The following PAQR7 variants were observed in gnomAD, a reference collection of about 807,000 sequenced individuals.
PAQR7 encodes the protein progestin and adipoQ receptor family member 7, also known as membrane progestin receptor alpha.
In PAQR7, 14 loss-of-function variants were observed where a neutral mutation model predicts 24.6. That is an observed-to-expected ratio of 0.57 (90% CI 0.38 to 0.89). PAQR7 has a LOEUF of 0.89. PAQR7 is among the 40% of genes least tolerant of loss of function. The pLI, the probability that PAQR7 is intolerant of heterozygous loss-of-function variation, is 0.00. For missense variants in PAQR7, 351 were observed against 444.0 expected, an observed-to-expected ratio of 0.79 and a Z score of 1.88; for synonymous variants, 189 against 198.8, an observed-to-expected ratio of 0.95 and a Z score of 0.42.
In PAQR7 at chr1:25,863,651, G is replaced by A; in HGVS notation, c.189C>T (p.Arg63=). ...PLHQTWRFYF[R]TLFQQHNEAV... ...CCTCGTTGTGCTGCTGGAACAGCGTGCGGAAATAGAAGCGCCAGGTCTGAT... is the reference window on the plus strand; with the variant it reads ...CCTCGTTGTGCTGCTGGAACAGCGTACGGAAATAGAAGCGCCAGGTCTGAT... Residue 63 remains arginine, a synonymous_variant, in exon 3 of 3, where the codon CGC becomes CGT. Transcript: ENST00000675840. The surrounding 1 kb of genome is among the most constrained non-coding windows in gnomAD (Gnocchi z 6.1). 1.2e-6 allele frequency: 2 copies of A among 1,614,204 alleles called. No homozygotes were observed. The highest frequency in any genetic ancestry group is 1.7e-6 in the Non-Finnish European group (2 of 1,180,024).
intron 1 of PAQR7, among the ~76,000 whole-genome samples, chr1:25,872,509 AT>A (rs55654329): frequency 0.069 from 7,523 of 108,852 alleles, 367 homozygotes; most frequent in African/African-American, 0.2. Context: ...ACACCACAGG[AT>A]TTTTTTTTTT....
intron 2 of PAQR7, among the ~76,000 whole-genome samples, chr1:25,869,526 C>T (rs938237394): frequency 6.9e-6 from 1 of 145,716 alleles, no homozygotes; most frequent in Non-Finnish European, 1.5e-5. Flanking sequence ...GAGCCGAGAT[C>T]GTGCCACTGT....
intron 1 of PAQR7, among the ~76,000 whole-genome samples, chr1:25,874,999 T>A (rs937251906): frequency 2.0e-5 from 3 of 152,172 alleles, no homozygotes; most frequent in Admixed American, 6.5e-5. Flanking sequence ...CCCCTTCCTG[T>A]CCCGGTCTCA....
chr1:25,874,636 G>A (rs2048634064), intron 1 of PAQR7, among the ~76,000 whole-genome samples: 1 of 152,192 alleles, frequency 6.6e-6, no homozygotes, highest in Non-Finnish European at 1.5e-5. Context: ...GGGGTCCTGG[G>A]CTGTCCACCC....
At chr1:25,865,101 C>T (rs1287170724) in intron 2 of PAQR7, among the ~76,000 whole-genome samples, 12 of 149,592 alleles carry the variant, frequency 8.0e-5, no homozygotes, top group South Asian at 4.2e-4. Flanking sequence ...GCCTGCAGTG[C>T]GCGCCACTGC....
At chr1:25,871,804 C>T (rs567751556) in intron 1 of PAQR7, among the ~76,000 whole-genome samples, 9 of 152,356 alleles carry the variant, frequency 5.9e-5, no homozygotes, top group South Asian at 4.1e-4. Flanking sequence ...CCAGCCTCAA[C>T]GCTACCCAGG....
At position 25,869,288 on chromosome 1, in the gene PAQR7, C is replaced by T. The variant is rs1051242816; in HGVS notation, c.-23+1321G>A. Reference sequence around the variant, plus strand: ...TGAAATTCAGAGAAGTCAAAAGCTCCCAGCTGGGCGCAGTGGCTCACACCT... The same window carrying T: ...TGAAATTCAGAGAAGTCAAAAGCTCTCAGCTGGGCGCAGTGGCTCACACCT... On this transcript the variant is annotated intron_variant, in intron 2 of 2. Coordinates refer to ENST00000675840, the MANE Select transcript of PAQR7 (RefSeq NM_178422.6). 2.0e-5 allele frequency among the ~76,000 whole-genome samples: 3 copies of T among 149,696 alleles called. No individual in the cohort carries two copies. In the South Asian group the frequency reaches 6.4e-4, roughly 32 times the overall value.
At chr1:25,870,059 A>G (rs1329304436) in intron 2 of PAQR7, among the ~76,000 whole-genome samples, 1 of 152,140 alleles carries the variant, frequency 6.6e-6, no homozygotes, top group African/African-American at 2.4e-5. Flanking sequence ...TCCTGACTCC[A>G]TGGAAAGGGA....
chr1:25,871,267 A>G (rs2048603522), intron 1 of PAQR7: 1 of 152,278 alleles, frequency 6.6e-6, no homozygotes, highest in Non-Finnish European at 1.5e-5. Flanking sequence ...AGCCCTGTAA[A>G]TTGGTGCTTA....
intron 2 of PAQR7, among the ~76,000 whole-genome samples, chr1:25,866,019 A>G (rs1486754676): frequency 6.6e-6 from 1 of 151,772 alleles, no homozygotes; most frequent in Admixed American, 6.6e-5. Context: ...AAAGAACAAC[A>G]TGACACCATT....
chr1:25,873,783 C>G (rs2048623886), intron 1 of PAQR7, among the ~76,000 whole-genome samples: 1 of 152,174 alleles, frequency 6.6e-6, no homozygotes, highest in Non-Finnish European at 1.5e-5. Flanking sequence ...GTTGCCCAGG[C>G]TGGTCTTGAA....
At position 25,863,877 on chromosome 1, in the gene PAQR7, G is replaced by A; in HGVS notation, c.-22-16C>T. The A allele has an allele frequency of 3.8e-6, 6 of 1,567,828 alleles. No homozygotes were observed. Among genetic ancestry groups the A allele is most frequent in the South Asian group, 3.5e-5 (3 of 85,414 alleles). Reference sequence around the variant, plus strand: ...GGGCAGGGAGCTGGGAGAGAGACCAGAGCAAAGTCAGGGGCCTGGTGTCCT... The same window carrying A: ...GGGCAGGGAGCTGGGAGAGAGACCAAAGCAAAGTCAGGGGCCTGGTGTCCT... On this transcript the variant is annotated splice_polypyrimidine_tract_variant and intron_variant, in intron 2 of 2. Coordinates refer to ENST00000675840, the MANE Select transcript of PAQR7 (RefSeq NM_178422.6). The surrounding 1 kb of genome is among the most constrained non-coding windows in gnomAD (Gnocchi z 6.1).
In PAQR7 at chr1:25,863,099, GA is replaced by G. The variant is rs2048525259; in HGVS notation, c.740del (p.Phe247SerfsTer87). On this transcript the variant is annotated frameshift_variant, in exon 3 of 3. Coordinates refer to ENST00000675840, the MANE Select transcript of PAQR7 (RefSeq NM_178422.6). LOFTEE classifies it high-confidence loss of function. The surrounding 1 kb of genome is among the most constrained non-coding windows in gnomAD (Gnocchi z 6.1). The part of the protein sequence containing the change: ...ALLYHKCQVV[F>X]FLLAAAFFST... ...AGAAGAAGGCAGCAGCCAGCAGAAA[GA>G]AGACCACCTGGCACTTGTGGTAGAG... 6.2e-7 allele frequency: 1 copy of G among 1,613,922 alleles called. No homozygotes were observed. The highest frequency in any genetic ancestry group is 8.5e-7 in the Non-Finnish European group (1 of 1,179,994).
Position 25,863,814 on chromosome 1 carries a change from TG to T in PAQR7, c.25del (p.His9ThrfsTer65), listed in dbSNP as rs747431820. ...GACCTGCCGCAGACTCGGCAGGAGGTGGCTGAGTTTCTGGGCCATGGCCATG... is the reference window on the plus strand; with the variant it reads ...GACCTGCCGCAGACTCGGCAGGAGGTGCTGAGTTTCTGGGCCATGGCCATG... MAMAQKLS[H>X]LLPSLRQVIQ... On this transcript the variant is annotated frameshift_variant, in exon 3 of 3. Transcript: ENST00000675840. LOFTEE classifies it high-confidence loss of function. The surrounding 1 kb of genome is among the most constrained non-coding windows in gnomAD (Gnocchi z 6.1). 5.0e-6 allele frequency: 8 copies of T among 1,611,700 alleles called. No individual in the cohort carries two copies. Among genetic ancestry groups the T allele is most frequent in the Non-Finnish European group, 6.8e-6 (8 of 1,179,324 alleles).
intron 2 of PAQR7, among the ~76,000 whole-genome samples, chr1:25,864,636 T>C (rs754226791): frequency 2.0e-4 from 31 of 152,222 alleles, no homozygotes; most frequent in African/African-American, 4.1e-4. Context: ...AGCAGGAGGA[T>C]TGCTTGGGGC....
Position 25,863,411 on chromosome 1 carries a change from A to T in PAQR7, c.429T>A (p.Tyr143Ter). 6.2e-7 allele frequency: 1 copy of T among 1,614,254 alleles called. No homozygotes were observed. The highest frequency in any genetic ancestry group is 8.5e-7 in the Non-Finnish European group (1 of 1,180,036). The change falls in exon 3 of 3, where the codon TAT becomes TAA. Residue 143 changes from tyrosine (Y) to a stop codon, truncating the protein, a stop_gained. Coordinates refer to ENST00000675840, the MANE Select transcript of PAQR7 (RefSeq NM_178422.6). LOFTEE classifies it high-confidence loss of function. This position sits in a 1 kb window ranked among gnomAD's most constrained non-coding sequence, Gnocchi z 6.1. ...CAAACTGGTACACGGCCACCCCCAC[A>T]TAGTCCAGGAAGAAGAAGCTGTAAT... is the stretch of plus-strand genomic sequence containing the variant. ...FWHYSFFFLD[Y>*]VGVAVYQFGS...
intron 2 of PAQR7, among the ~76,000 whole-genome samples, chr1:25,868,110 T>A (rs1430486126): frequency 6.6e-6 from 1 of 152,194 alleles, no homozygotes; most frequent in Non-Finnish European, 1.5e-5. Context: ...TGGCCCCCAC[T>A]CTTGTCCACA....
intron 2 of PAQR7, among the ~76,000 whole-genome samples, chr1:25,870,383 C>T (rs1008066242): frequency 6.6e-6 from 1 of 152,102 alleles, no homozygotes; most frequent in East Asian, 1.9e-4. Flanking sequence ...GCACTAGGGG[C>T]GGGGCTTCCA....
chr1:25,866,144 C>T (rs773768341), intron 2 of PAQR7, among the ~76,000 whole-genome samples: 10 of 152,158 alleles, frequency 6.6e-5, no homozygotes, highest in Non-Finnish European at 1.5e-4. Context: ...CTCTCCAGGC[C>T]CTCCCCCAAC....
Sources: allele counts gnomAD v4.1 joint callset (sites outside exome capture counted in the v4.1 genomes callset), GRCh38; gene constraint gnomAD v4.1.1; non-coding constraint Gnocchi (gnomAD v3.1); transcripts MANE v1.5; gene names NCBI Gene and HGNC (gene_info 2026-07-23, HGNC 2026-07-21).